Variants in TMEM164 observed in about 807,000 individuals in gnomAD.
TMEM164 encodes the protein transmembrane protein 164, also known as RP13-360B22.2.
A neutral mutation model predicts 18.8 loss-of-function variants in TMEM164; 4 were observed. That is an observed-to-expected ratio of 0.21 (90% CI 0.10 to 0.49). The LOEUF (loss-of-function observed/expected upper bound fraction) is 0.49. TMEM164 is among the 20% of genes least tolerant of loss of function. The pLI is 0.98. For synonymous variants in TMEM164, 86 were observed against 101.7 expected, an observed-to-expected ratio of 0.85 and a Z score of 0.93; for missense variants, 108 against 239.9, an observed-to-expected ratio of 0.45 and a Z score of 3.63.
intron 3 of TMEM164, among the ~76,000 whole-genome samples, chrX:110,080,933 A>G (rs1209960719): frequency 2.4e-5 from 2 of 82,008 alleles, no homozygotes; most frequent in Non-Finnish European, 4.3e-5. Flanking sequence ...ACGGAGTCTC[A>G]TTATGTTGTT....
rs191322352 is a variant in TMEM164, at chrX:110,174,833, C to T, written c.*1382C>T. 8.9e-6 allele frequency: 1 copy of T among 111,983 alleles called. No homozygotes were observed. The highest frequency in any genetic ancestry group is 3.3e-5 in the African/African-American group (1 of 30,714). 9.2% of individuals were successfully genotyped at this position (111,983 alleles called of 1,213,427 possible). ...AGATTTGCTTAAGAACAGAAAAGCT[C>T]ATTTGGTGATTTTGTCTGATGAGCC... On this transcript the variant is annotated 3_prime_UTR_variant, in exon 7 of 7. Coordinates refer to ENST00000372068, the MANE Select transcript of TMEM164 (RefSeq NM_032227.4).
chrX:110,144,982 G>A lies in TMEM164; in HGVS notation c.586+106G>A, dbSNP rs192160355. 560 of 551,044 alleles carry A rather than the reference G, an allele frequency of 1.0e-3. 6 individuals carry two copies. In the African/African-American group the frequency reaches 0.011, roughly 11 times the overall value. The allele number at this position is 551,044 out of a possible 1,213,427, so 45.4% of individuals were successfully genotyped here. A position where few individuals can be genotyped will look rare whatever the true frequency, so the allele number is the denominator to read the frequency against. The stretch of plus-strand genomic sequence containing the variant: ...GTGCTTCCCAGGATCTTCAGCTGCC[G>A]CTTGACTGAGTTTCTTCAACATAAT... On this transcript the variant is annotated intron_variant, in intron 5 of 6. Coordinates refer to ENST00000372068, the MANE Select transcript of TMEM164 (RefSeq NM_032227.4).
intron 2 of TMEM164, among the ~76,000 whole-genome samples, chrX:110,044,414 T>C (rs1316453476): frequency 3.6e-5 from 4 of 110,058 alleles, no homozygotes; most frequent in African/African-American, 1.3e-4. Flanking sequence ...CTTGCTGTGA[T>C]AATCTGTCAG....
intron 4 of TMEM164, among the ~76,000 whole-genome samples, chrX:110,116,822 T>TTGTGTGTGTG: frequency 1.0e-5 from 1 of 97,041 alleles, no homozygotes; most frequent in East Asian, 3.2e-4. Flanking sequence ...GGCCACTCCC[T>TTGTGTGTGTG]TGTGTGTGTG....
chrX:110,169,839 C>T (rs1047574899), intron 5 of TMEM164, among the ~76,000 whole-genome samples: 1 of 111,497 alleles, frequency 9.0e-6, no homozygotes, highest in African/African-American at 3.3e-5. Flanking sequence ...TGGTTGCCCT[C>T]TTTAGAAGGG....
At chrX:110,184,153 G>T (rs941926047), downstream of TMEM164, among the ~76,000 whole-genome samples, 30 of 110,067 alleles carry the variant, frequency 2.7e-4, no homozygotes, top group African/African-American at 9.6e-4. Flanking sequence ...TGTGTGTGAT[G>T]GGTGTATAGG....
At chrX:110,155,099 G>A (rs1010173131) in intron 5 of TMEM164, among the ~76,000 whole-genome samples, 1 of 111,660 alleles carries the variant, frequency 9.0e-6, no homozygotes, top group Admixed American at 9.5e-5. Flanking sequence ...CTAGAGGTCA[G>A]GATTGTGCCT....
intron 4 of TMEM164, among the ~76,000 whole-genome samples, chrX:110,135,325 A>C (rs1053687265): frequency 1.8e-5 from 2 of 111,829 alleles, no homozygotes; most frequent in Admixed American, 9.5e-5. Flanking sequence ...CAACAACAAA[A>C]AAGGTGGAGT....
intron 4 of TMEM164, among the ~76,000 whole-genome samples, chrX:110,119,143 T>A (rs1463982321): frequency 8.9e-6 from 1 of 112,168 alleles, no homozygotes; most frequent in Non-Finnish European, 1.9e-5. Flanking sequence ...TGTTGAAAAT[T>A]TGTGAAATAT....
chrX:110,020,498 A>G, intron 2 of TMEM164: 2 of 754,226 alleles, frequency 2.7e-6, no homozygotes, highest in South Asian at 6.7e-5. Flanking sequence ...GAAAGAAGAA[A>G]AGTATTCTGG....
At chrX:110,135,468 C>T (rs1364368520) in intron 4 of TMEM164, among the ~76,000 whole-genome samples, 1 of 111,171 alleles carries the variant, frequency 9.0e-6, no homozygotes, top group Non-Finnish European at 1.9e-5. Flanking sequence ...TATTTTTGTG[C>T]ATGTGGGCAA....
intron 4 of TMEM164, among the ~76,000 whole-genome samples, chrX:110,128,719 A>C (rs1461138138): frequency 9.0e-6 from 1 of 111,364 alleles, no homozygotes; most frequent in Admixed American, 9.5e-5. Context: ...GATATTTTCT[A>C]ATTTGTCTTA....
chrX:110,083,955 C>G (rs1235560954), intron 3 of TMEM164, among the ~76,000 whole-genome samples: 1 of 111,110 alleles, frequency 9.0e-6, no homozygotes, highest in Non-Finnish European at 1.9e-5. Flanking sequence ...TTTTAAAGAA[C>G]AAAACTGCTG....
At chrX:110,113,600 C>G (rs2066321267) in intron 4 of TMEM164, among the ~76,000 whole-genome samples, 1 of 111,924 alleles carries the variant, frequency 8.9e-6, no homozygotes, top group East Asian at 2.8e-4. Context: ...AGTGTGTGTA[C>G]TGGTACCATA....
chrX:110,169,245 C>G (rs2067198392), intron 5 of TMEM164, among the ~76,000 whole-genome samples: 1 of 111,815 alleles, frequency 8.9e-6, no homozygotes, highest in Admixed American at 9.4e-5. Flanking sequence ...GCCTTTTCCT[C>G]TCTTCTCCAT....
chrX:110,122,722 T>C (rs1204908151), intron 4 of TMEM164, among the ~76,000 whole-genome samples: 2 of 112,133 alleles, frequency 1.8e-5, no homozygotes, highest in Non-Finnish European at 3.8e-5. Context: ...GCTATTTGTA[T>C]GTCTTTTTGG....
rs138103072 is a variant in TMEM164 at position 110,006,672 on chromosome X, C to T, written c.390+2508C>T. 4.7e-3 allele frequency among the ~76,000 whole-genome samples: 527 copies of T among 111,332 alleles called. 4 individuals are homozygous for T. The highest frequency in any genetic ancestry group is 0.016 in the African/African-American group (488 of 30,610). Reference sequence around the variant, plus strand: ...CAATGACCAATGATAGTATGTATACCCAGAATACCATAATACCTTGCATTT... The same window carrying T: ...CAATGACCAATGATAGTATGTATACTCAGAATACCATAATACCTTGCATTT... On this transcript the variant is annotated intron_variant, in intron 2 of 6. Transcript: ENST00000372068.
At position 110,175,090 on chromosome X, in the gene TMEM164, T is replaced by C. The variant is rs1204851740; in HGVS notation, c.*1639T>C. 1 of 112,522 alleles carries C rather than the reference T, an allele frequency of 8.9e-6. No homozygotes were observed. Among genetic ancestry groups the C allele is most frequent in the African/African-American group, 3.2e-5 (1 of 30,955 alleles). The allele number at this position is 112,522 out of a possible 1,213,427, so 9.3% of individuals were successfully genotyped here. ...AGCAGGAGGGGAGGGCACCAAGTGC[T>C]CTTACTCTCCTGAGCTCCTTTTGAT... On this transcript the variant is annotated 3_prime_UTR_variant, in exon 7 of 7. Transcript: ENST00000372068.
chrX:110,168,489 T>A (rs1406980904), intron 5 of TMEM164, among the ~76,000 whole-genome samples: 1 of 112,530 alleles, frequency 8.9e-6, no homozygotes. Flanking sequence ...GCGTGAGAGT[T>A]CATTTCTCCA....
Sources: gnomAD v4.1 joint callset for allele counts (sites outside exome capture counted in the v4.1 genomes callset) on GRCh38, gnomAD v4.1.1 for gene constraint, MANE v1.5 for transcripts, NCBI Gene and HGNC (gene_info 2026-07-23, HGNC 2026-07-21) for gene names.